The following SEMA6D variants were observed in gnomAD, a reference collection of about 807,000 sequenced individuals.
The protein encoded by SEMA6D is semaphorin 6D, also known as semaphorin-6D.
SEMA6D carries 35 observed loss-of-function variants against 106.6 expected under a neutral mutation model. That is an observed-to-expected ratio of 0.33 (90% confidence interval 0.25 to 0.44). The LOEUF (loss-of-function observed/expected upper bound fraction) is 0.44, where lower values mean the gene tolerates loss of function less well. Ranked by LOEUF, SEMA6D falls within the 20% of genes least tolerant of loss-of-function variation. SEMA6D has a pLI of 1.00. For missense variants in SEMA6D, 1,185 were observed against 1,345.9 expected (o/e 0.88, Z 1.87); for synonymous variants, 499 against 487.7 (o/e 1.02, Z -0.31).
chr15:47,710,620 G>T (rs2078998749), intron 4 of SEMA6D, among the ~76,000 whole-genome samples: 1 of 152,102 alleles, frequency 6.6e-6, no homozygotes, highest in African/African-American at 2.4e-5. Flanking sequence ...TGTGTGCAAT[G>T]ATATAGTGGC....
intron 1 of SEMA6D, among the ~76,000 whole-genome samples, chr15:47,350,508 T>C (rs2038278639): frequency 6.6e-6 from 1 of 152,160 alleles, no homozygotes; most frequent in Non-Finnish European, 1.5e-5. Context: ...CACAGACGCT[T>C]CAGTCATTTC....
chr15:47,595,136 A>T (rs1566919598), intron 3 of SEMA6D, among the ~76,000 whole-genome samples: 1 of 152,190 alleles, frequency 6.6e-6, no homozygotes. Flanking sequence ...TTGGTCTAGT[A>T]AAAAAGAGAC....
intron 3 of SEMA6D, among the ~76,000 whole-genome samples, chr15:47,535,247 T>TGG (rs2045121217): frequency 3.9e-5 from 6 of 152,194 alleles, no homozygotes. Context: ...GGTGCTGCTC[T>TGG]AAGTGTTTAC....
chr15:47,510,618 G>T (rs1037121733), intron 3 of SEMA6D, among the ~76,000 whole-genome samples: 1 of 152,214 alleles, frequency 6.6e-6, no homozygotes, highest in Non-Finnish European at 1.5e-5. Context: ...GCATATATAA[G>T]ATAATTACCA....
intron 2 of SEMA6D, among the ~76,000 whole-genome samples, chr15:47,426,494 G>C (rs1180257220): frequency 6.6e-6 from 1 of 152,102 alleles, no homozygotes; most frequent in Admixed American, 6.6e-5. Flanking sequence ...TGTGGGGTAC[G>C]TGAGGATGCG....
At chr15:47,360,392 C>T (rs1310144378) in intron 1 of SEMA6D, among the ~76,000 whole-genome samples, 1 of 152,200 alleles carries the variant, frequency 6.6e-6, no homozygotes, top group Non-Finnish European at 1.5e-5. Flanking sequence ...AACTGTTAGC[C>T]ACAGTGTGAC....
intron 4 of SEMA6D, among the ~76,000 whole-genome samples, chr15:47,690,741 A>C (rs895408101): frequency 6.6e-6 from 1 of 152,242 alleles, no homozygotes; most frequent in Non-Finnish European, 1.5e-5. Context: ...CTATTGTTTT[A>C]GTTTTTAGTT....
chr15:47,257,299 C>T (rs1318076125), intron 1 of SEMA6D, among the ~76,000 whole-genome samples: 2 of 152,246 alleles, frequency 1.3e-5, no homozygotes, highest in African/African-American at 2.4e-5. Flanking sequence ...CTTCGTGATC[C>T]ACCCGCCTTG....
At chr15:47,753,674 G>A (rs1230977445) in intron 1 of SEMA6D, among the ~76,000 whole-genome samples, 1 of 152,214 alleles carries the variant, frequency 6.6e-6, no homozygotes, top group Non-Finnish European at 1.5e-5. Context: ...ACCATGGGCT[G>A]AGGCTAGTAA....
At chr15:47,376,780 C>T (rs374004502) in intron 1 of SEMA6D, among the ~76,000 whole-genome samples, 1 of 152,108 alleles carries the variant, frequency 6.6e-6, no homozygotes, top group East Asian at 1.9e-4. Context: ...ATGTTAAGTA[C>T]CCCCAATCTC....
intron 1 of SEMA6D, among the ~76,000 whole-genome samples, chr15:47,318,954 G>A (rs535865056): frequency 1.3e-5 from 2 of 152,170 alleles, no homozygotes; most frequent in Non-Finnish European, 2.9e-5. Flanking sequence ...TTTAATGATT[G>A]CCATTCTAAC....
At chr15:47,238,543 A>G (rs1313208606) in intron 1 of SEMA6D, among the ~76,000 whole-genome samples, 1 of 152,106 alleles carries the variant, frequency 6.6e-6, no homozygotes, top group Non-Finnish European at 1.5e-5. Context: ...TCTCCAATAG[A>G]TTGTGCTTTC....
intron 1 of SEMA6D, among the ~76,000 whole-genome samples, chr15:47,347,061 A>G (rs760078810): frequency 3.9e-5 from 6 of 152,128 alleles, no homozygotes; most frequent in Non-Finnish European, 8.8e-5. Context: ...GGCACCCGCC[A>G]TCATGTCTAG....
intron 4 of SEMA6D, among the ~76,000 whole-genome samples, chr15:47,682,835 A>G (rs993531076): frequency 6.2e-4 from 95 of 152,200 alleles, no homozygotes; most frequent in African/African-American, 2.2e-3. Context: ...ACAAATGTCC[A>G]CTGGTAGAGA....
At chr15:47,751,835 C>T (rs568783503) in intron 1 of SEMA6D, among the ~76,000 whole-genome samples, 22 of 152,080 alleles carry the variant, frequency 1.4e-4, no homozygotes, top group Non-Finnish European at 2.2e-4. Flanking sequence ...GTGAGATATA[C>T]TTGACCTAAG....
chr15:47,317,066 ATTAG>A (rs1467396650), intron 1 of SEMA6D, among the ~76,000 whole-genome samples: 7 of 152,064 alleles, frequency 4.6e-5, no homozygotes, highest in African/African-American at 1.7e-4. Flanking sequence ...TTGCAAGGTT[ATTAG>A]TTAATCAATT....
At chr15:47,261,717 C>G (rs2034084048) in intron 1 of SEMA6D, among the ~76,000 whole-genome samples, 1 of 152,030 alleles carries the variant, frequency 6.6e-6, no homozygotes, top group Non-Finnish European at 1.5e-5. Context: ...GAATTCCTTT[C>G]TGTTTCTATG....
intron 4 of SEMA6D, among the ~76,000 whole-genome samples, chr15:47,672,005 C>T (rs557193903): frequency 6.6e-6 from 1 of 152,222 alleles, no homozygotes; most frequent in South Asian, 2.1e-4. Flanking sequence ...CATTGTGTAC[C>T]AAACATTGTT....
In SEMA6D at chr15:47,407,386, AACC is replaced by A. The variant is rs1237792734; in HGVS notation, c.-238-5005_-238-5003del. On this transcript the variant is annotated intron_variant, in intron 1 of 19. Transcript: ENST00000558014. ...TCTATCTCAAAAAAAAAAAAAAAAA[AACC>A]AAAACAACAACAACAACAACAAAAA... Among the ~76,000 whole-genome samples the A allele has an allele frequency of 1.7e-3, 249 of 142,798 alleles. 3 individuals are homozygous for A. The highest frequency in any genetic ancestry group is 3.2e-3 in the Non-Finnish European group (205 of 64,764). The allele number at this position is 142,798 out of a possible 152,430, so 93.7% of individuals were successfully genotyped here.
Sources: allele counts gnomAD v4.1 joint callset (sites outside exome capture counted in the v4.1 genomes callset), GRCh38; gene constraint gnomAD v4.1.1; transcripts MANE v1.5; gene names NCBI Gene and HGNC (gene_info 2026-07-23, HGNC 2026-07-21).